PTPRF: variants seen among roughly 807,000 people sequenced by gnomAD.
PTPRF encodes receptor-type tyrosine-protein phosphatase F.
In PTPRF, 59 loss-of-function variants were observed where a neutral mutation model predicts 201.8. The ratio of observed to expected loss-of-function variants is 0.29; its 90% confidence interval spans 0.24 to 0.36. The LOEUF (loss-of-function observed/expected upper bound fraction) is 0.36, where lower values mean the gene tolerates loss of function less well. Among genes scored for constraint, PTPRF ranks in the 10% least tolerant of loss-of-function variants. The pLI is 1.00. For synonymous variants in PTPRF, 1,088 were observed against 1,089.7 expected, an observed-to-expected ratio of 1.00 and a Z score of 0.03; for missense variants, 2,132 against 2,690.5, an observed-to-expected ratio of 0.79 and a Z score of 4.59.
At position 43,622,000 on chromosome 1, in the gene PTPRF, G is replaced by C; in HGVS notation, c.5721G>C (p.Thr1907=). The part of the protein sequence containing the change: ...EYLGSFDHYA[T] ...TCGGCAGCTTTGACCACTATGCAACGTAACTACCGCTCCCCTCTCCTCCGC... is the reference window on the plus strand; with the variant it reads ...TCGGCAGCTTTGACCACTATGCAACCTAACTACCGCTCCCCTCTCCTCCGC... Residue 1907 remains threonine (T), a synonymous_variant, in exon 34 of 34, where the codon ACG becomes ACC. Coordinates refer to ENST00000359947, the MANE Select transcript of PTPRF (RefSeq NM_002840.5). 6.2e-7 allele frequency: 1 copy of C among 1,613,992 alleles called. No individual in the cohort carries two copies. The highest frequency in any genetic ancestry group is 1.1e-5 in the South Asian group (1 of 91,074).
chr1:43,533,163 GT>G, intron 1 of PTPRF, among the ~76,000 whole-genome samples: 1 of 151,968 alleles, frequency 6.6e-6, no homozygotes, highest in East Asian at 1.9e-4. Context: ...CAAGAAAATT[GT>G]TTTAACATAA....
chr1:43,558,988 A>G (rs769510137), intron 5 of PTPRF, among the ~76,000 whole-genome samples: 15 of 152,132 alleles, frequency 9.9e-5, no homozygotes, highest in Non-Finnish European at 1.8e-4. Context: ...AGGCGGGGAG[A>G]AGAAAGAAGC....
chr1:43,555,388 A>C lies in PTPRF; in HGVS notation c.379+1447A>C, dbSNP rs12071228. Among the ~76,000 whole-genome samples the C allele has an allele frequency of 1.8e-3, 267 of 152,198 alleles. 1 individual carries two copies. The highest frequency in any genetic ancestry group is 5.6e-3 in the African/African-American group (233 of 41,532). On this transcript the variant is annotated intron_variant, in intron 5 of 33. Transcript: ENST00000359947. ...GTAGACTGCTTTAAAAACAAACAAAAAAAAATATGGCTAACATCTTCCTTG... is the reference window on the plus strand; with the variant it reads ...GTAGACTGCTTTAAAAACAAACAAACAAAAATATGGCTAACATCTTCCTTG...
chr1:43,603,770 A>C lies in PTPRF; in HGVS notation c.2618A>C (p.Asp873Ala), dbSNP rs374488420. 40 of 1,613,926 alleles carry C rather than the reference A, an allele frequency of 2.5e-5. No homozygotes were observed. Among genetic ancestry groups the C allele is most frequent in the Non-Finnish European group, 3.2e-5 (38 of 1,180,036 alleles). The change falls in exon 16 of 34, where the codon GAT (aspartate) becomes GCT (alanine). Residue 873 changes from aspartate (D) to alanine (A), a missense_variant. This residue lies in a region of PTPRF where 818 missense variants were observed against 915.3 expected (regional missense o/e 0.89). Transcript: ENST00000359947. This position sits in a 1 kb window ranked among gnomAD's most constrained non-coding sequence, Gnocchi z 5.8. Reference protein sequence around the residue: ...ARPNTIDFGKDDQHFTVTGLH... With the variant: ...ARPNTIDFGKADQHFTVTGLH... The stretch of plus-strand genomic sequence containing the variant: ...CCCAACACCATAGATTTCGGCAAGG[A>C]TGACCAGCACTTCACAGTCACCGGC...
At chr1:43,591,695 A>T in intron 9 of PTPRF, 117 bp from the exon 10 acceptor site, 1 of 1,460,082 alleles carries the variant, frequency 6.8e-7, no homozygotes, top group Non-Finnish European at 9.2e-7. Context: ...ATGTGTGGTC[A>T]GTTGGGATGT....
Position 43,622,132 on chromosome 1 carries a change from G to A in PTPRF, c.*129G>A. On this transcript the variant is annotated 3_prime_UTR_variant, in exon 34 of 34. Transcript: ENST00000359947. ...GTCACTGGCAGAGCACAGCCCACGG[G>A]GATCACAGCGTTTCAGGAACGTTGC... is the stretch of plus-strand genomic sequence containing the variant. 1.0e-6 allele frequency: 1 copy of A among 965,122 alleles called. No homozygotes were observed. Among genetic ancestry groups the A allele is most frequent in the Non-Finnish European group, 1.6e-6 (1 of 628,516 alleles). 59.8% of individuals were successfully genotyped at this position (965,122 alleles called of 1,614,324 possible). A position where few individuals can be genotyped will look rare whatever the true frequency, so the allele number is the denominator to read the frequency against.
intron 3 of PTPRF, among the ~76,000 whole-genome samples, chr1:43,550,391 C>T (rs1297108852): frequency 1.3e-5 from 2 of 152,180 alleles, no homozygotes; most frequent in Non-Finnish European, 1.5e-5. Context: ...CCGGCCATTC[C>T]GGTTCAGCCG....
chr1:43,604,767 TTGG>T, intron 16 of PTPRF, 133 bp from the exon 17 acceptor site: 1 of 745,708 alleles, frequency 1.3e-6, no homozygotes, highest in Admixed American at 2.1e-5. Flanking sequence ...AGTGGGGCGC[TTGG>T]TACTCTGCAG....
Position 43,617,537 on chromosome 1 carries a change from C to G in PTPRF, c.4164C>G (p.Asp1388Glu). 6.2e-7 allele frequency: 1 copy of G among 1,614,104 alleles called. No individual in the cohort carries two copies. The highest frequency in any genetic ancestry group is 1.6e-4 in the Middle Eastern group (1 of 6,062). The stretch of plus-strand genomic sequence containing the variant: ...GCTATGCGAATGTCATCGCCTACGA[C>G]CACTCTCGAGTCATCCTTACCTCTA... The part of the protein sequence containing the change: ...KNRYANVIAY[D>E]HSRVILTSID... Residue 1388 changes from aspartate (D) to glutamate (E), a missense_variant, in exon 24 of 34, where the codon GAC becomes GAG. Transcript: ENST00000359947.
At chr1:43,558,884 G>A (rs1183482115) in intron 5 of PTPRF, among the ~76,000 whole-genome samples, 1 of 152,186 alleles carries the variant, frequency 6.6e-6, no homozygotes, top group East Asian at 1.9e-4. Context: ...TTCAGGCCTG[G>A]AAGGACTGGC....
chr1:43,575,777 A>G, intron 6 of PTPRF: 1 of 734,162 alleles, frequency 1.4e-6, no homozygotes, highest in South Asian at 1.5e-5. Flanking sequence ...GGCCTAACTC[A>G]GGCCTCAATT....
At chr1:43,545,209 G>T in intron 3 of PTPRF, 43 bp downstream of exon 3, 1 of 1,539,650 alleles carries the variant, frequency 6.5e-7, no homozygotes, top group Non-Finnish European at 8.8e-7. Flanking sequence ...AGGTTGAAAG[G>T]TGGCATCCTT....
At position 43,558,398 on chromosome 1, in the gene PTPRF, C is replaced by G. The variant is rs187807947; in HGVS notation, c.379+4457C>G. ...ACCACAGCCCGTGGGAGTGCCCCCC[C>G]AAATCCCCCACAGCCGTGCCCTTTG... On this transcript the variant is annotated intron_variant, in intron 5 of 33. Transcript: ENST00000359947. Among the ~76,000 whole-genome samples the G allele has an allele frequency of 6.3e-3, 955 of 152,262 alleles. 12 individuals carry two copies. The highest frequency in any genetic ancestry group is 0.022 in the African/African-American group (909 of 41,554).
At chr1:43,538,309 G>A in intron 2 of PTPRF, 32 bp downstream of exon 2, 1 of 398,844 alleles carries the variant, frequency 2.5e-6, no homozygotes, top group Non-Finnish European at 4.4e-6. Flanking sequence ...GCCAGGAGCA[G>A]GGGTGCACAG....
intron 12 of PTPRF, 22 bp from the exon 13 acceptor site, chr1:43,598,698 C>T (rs1261031393): frequency 5.6e-6 from 9 of 1,605,252 alleles, no homozygotes; most frequent in African/African-American, 1.3e-5. Context: ...GGCCTGACTT[C>T]CTTCTCTACC....
At chr1:43,563,342 T>C (rs956176173) in intron 5 of PTPRF, among the ~76,000 whole-genome samples, 13 of 151,618 alleles carry the variant, frequency 8.6e-5, no homozygotes, top group Non-Finnish European at 2.9e-5. Flanking sequence ...AGGAGGCGAG[T>C]TGGTGAGTCC....
Position 43,597,836 on chromosome 1 carries a change from C to T in PTPRF, c.1902C>T (p.Ser634=). Residue 634 remains serine, a synonymous_variant, in exon 12 of 34, where the codon AGC becomes AGT. Coordinates refer to ENST00000359947, the MANE Select transcript of PTPRF (RefSeq NM_002840.5). The part of the protein sequence containing the change: ...RVSWVPPPAD[S]RNGVITQYSV... Reference sequence around the variant, plus strand: ...GTTGGGTCCCGCCGCCTGCCGACAGCCGCAACGGCGTTATCACCCAGTACT... The same window carrying T: ...GTTGGGTCCCGCCGCCTGCCGACAGTCGCAACGGCGTTATCACCCAGTACT... The T allele has an allele frequency of 6.2e-7, 1 of 1,608,356 alleles. No homozygotes were observed. Among genetic ancestry groups the T allele is most frequent in the Non-Finnish European group, 8.5e-7 (1 of 1,177,996 alleles).
intron 13 of PTPRF, among the ~76,000 whole-genome samples, chr1:43,601,740 T>C (rs1653797349): frequency 6.6e-6 from 1 of 152,146 alleles, no homozygotes; most frequent in African/African-American, 2.4e-5. Context: ...TCTGGCAGCC[T>C]CTCCCTCCCA....
intron 7 of PTPRF, among the ~76,000 whole-genome samples, chr1:43,586,178 T>G (rs541232722): frequency 1.6e-4 from 25 of 152,358 alleles, no homozygotes; most frequent in African/African-American, 5.8e-4. Flanking sequence ...AACCTGCACC[T>G]AGTAGGTGCT....
Sources: allele counts gnomAD v4.1 joint callset (sites outside exome capture counted in the v4.1 genomes callset), GRCh38; gene constraint gnomAD v4.1.1; regional missense constraint gnomAD v4.1.1; non-coding constraint Gnocchi (gnomAD v3.1); transcripts MANE v1.5; gene names NCBI Gene and HGNC (gene_info 2026-07-23, HGNC 2026-07-21).